CHIC1: variants seen among roughly 807,000 people sequenced by gnomAD.
CHIC1 encodes the protein cysteine-rich hydrophobic domain-containing protein 1.
In CHIC1, 7 loss-of-function variants were observed where a neutral mutation model predicts 18.5. The observed-to-expected ratio is 0.38, with a 90% CI of 0.22 to 0.71. CHIC1 has a LOEUF of 0.71. Ranked by LOEUF, CHIC1 falls within the 30% of genes least tolerant of loss-of-function variation. CHIC1 has a pLI of 0.49. For missense variants in CHIC1, 159 were observed against 176.9 expected (o/e 0.90, Z 0.57); for synonymous variants, 77 against 73.5 (o/e 1.05, Z -0.25).
intron 3 of CHIC1, among the ~76,000 whole-genome samples, chrX:73,597,539 T>TA (rs1306840288): frequency 9.3e-6 from 1 of 107,236 alleles, no homozygotes; most frequent in Non-Finnish European, 1.9e-5. Context: ...CATTATATCT[T>TA]AAAAAAATAT....
At chrX:73,592,660 GT>G (rs376265960) in intron 3 of CHIC1, among the ~76,000 whole-genome samples, 16 of 108,835 alleles carry the variant, frequency 1.5e-4, no homozygotes, top group African/African-American at 5.0e-4. Flanking sequence ...TTGGCCTGAA[GT>G]TTTTTTTTCA....
At chrX:73,655,641 GTGTGTGTGTATA>G (rs1439296546) in intron 3 of CHIC1, among the ~76,000 whole-genome samples, 2 of 9,417 alleles carry the variant, frequency 2.1e-4, no homozygotes, top group Admixed American at 2.0e-3. Flanking sequence ...TAGTGTGTGT[GTGTGTGTGTATA>G]TATATATATA....
At chrX:73,593,636 C>T (rs2057592461) in intron 3 of CHIC1, among the ~76,000 whole-genome samples, 1 of 111,528 alleles carries the variant, frequency 9.0e-6, no homozygotes, top group African/African-American at 3.3e-5. Flanking sequence ...TTATTTTTGC[C>T]TGACTGGCTT....
chrX:73,567,897 C>G (rs1192029847), intron 1 of CHIC1, among the ~76,000 whole-genome samples: 1 of 109,923 alleles, frequency 9.1e-6, no homozygotes, highest in African/African-American at 3.3e-5. Context: ...ATTTCCCTGG[C>G]TCTCTGTATG....
intron 3 of CHIC1, among the ~76,000 whole-genome samples, chrX:73,657,047 A>C (rs1267403295): frequency 1.1e-5 from 1 of 92,891 alleles, no homozygotes; most frequent in Non-Finnish European, 2.1e-5. Context: ...TAGGTATTTT[A>C]TATTCTTTTT....
chrX:73,627,086 G>T (rs141122453), intron 3 of CHIC1, among the ~76,000 whole-genome samples: 68 of 93,764 alleles, frequency 7.3e-4, no homozygotes, highest in African/African-American at 2.7e-3. Context: ...AGATCTGGAA[G>T]AATTATCTGT....
intron 3 of CHIC1, among the ~76,000 whole-genome samples, chrX:73,631,793 C>G (rs779714409): frequency 9.0e-6 from 1 of 110,834 alleles, no homozygotes; most frequent in Non-Finnish European, 1.9e-5. Flanking sequence ...TTTTTTTGAC[C>G]CATTGGTTGT....
intron 3 of CHIC1, among the ~76,000 whole-genome samples, chrX:73,631,425 G>C (rs547247367): frequency 9.1e-6 from 1 of 109,402 alleles, no homozygotes; most frequent in African/African-American, 3.3e-5. Context: ...TTGGGTGTTC[G>C]AGACCAGCCT....
intron 3 of CHIC1, among the ~76,000 whole-genome samples, chrX:73,618,300 A>G (rs2057742579): frequency 9.0e-6 from 1 of 111,698 alleles, no homozygotes; most frequent in Admixed American, 9.5e-5. Context: ...GTAGTAGTAT[A>G]GGGATGATCA....
intron 3 of CHIC1, among the ~76,000 whole-genome samples, chrX:73,660,442 T>C (rs903166646): frequency 3.6e-5 from 4 of 111,605 alleles, no homozygotes; most frequent in Non-Finnish European, 7.5e-5. Flanking sequence ...ATGAGCCCAA[T>C]AGAGTGTAGC....
chrX:73,645,500 C>T (rs1156232315), intron 3 of CHIC1, among the ~76,000 whole-genome samples: 3 of 112,079 alleles, frequency 2.7e-5, no homozygotes, highest in Non-Finnish European at 5.6e-5. Flanking sequence ...TTTTCCATAA[C>T]AGCTGTATTA....
intron 3 of CHIC1, among the ~76,000 whole-genome samples, chrX:73,655,558 G>GTA (rs1341926223): frequency 1.2e-5 from 1 of 82,054 alleles, no homozygotes; most frequent in Non-Finnish European, 2.2e-5. Context: ...ACAATATTGT[G>GTA]TATATATAGT....
At chrX:73,655,390 T>C (rs186452230) in intron 3 of CHIC1, among the ~76,000 whole-genome samples, 2 of 100,033 alleles carry the variant, frequency 2.0e-5, no homozygotes, top group African/African-American at 7.3e-5. Context: ...GGTGTGTATA[T>C]ATATGTACAT....
Position 73,598,547 on chromosome X carries a change from G to C in CHIC1, c.507+13975G>C, listed in dbSNP as rs2057623800. On this transcript the variant is annotated intron_variant, in intron 3 of 5. Transcript: ENST00000373502. ...CTTCCTGTGTCCATGTAATCTCATT[G>C]TTCAGTTCCCACCTATGAGTGAGAA... 3.2e-5 allele frequency among the ~76,000 whole-genome samples: 3 copies of C among 92,387 alleles called. No individual in the cohort carries two copies. In the Admixed American group the frequency reaches 4.2e-4, roughly 13 times the overall value. 80.2% of individuals were successfully genotyped at this position (92,387 alleles called of 115,157 possible). A position where few individuals can be genotyped will look rare whatever the true frequency, so the allele number is the denominator to read the frequency against.
At chrX:73,653,677 TCTAAC>T (rs2057928711) in intron 3 of CHIC1, among the ~76,000 whole-genome samples, 2 of 112,611 alleles carry the variant, frequency 1.8e-5, no homozygotes, top group South Asian at 3.6e-4. Flanking sequence ...TGTTAATTCT[TCTAAC>T]CTATTAGCAT....
intron 3 of CHIC1, among the ~76,000 whole-genome samples, chrX:73,655,490 TTGTG>T (rs1442194326): frequency 1.5e-5 from 1 of 67,004 alleles, no homozygotes; most frequent in Non-Finnish European, 2.9e-5. Context: ...ATACACAATA[TTGTG>T]TATATATATA....
At chrX:73,569,427 TGAA>T (rs1378584105) in intron 1 of CHIC1, among the ~76,000 whole-genome samples, 1 of 111,618 alleles carries the variant, frequency 9.0e-6, no homozygotes, top group Non-Finnish European at 1.9e-5. Context: ...AGACATTTGA[TGAA>T]GAAAATACAA....
intron 3 of CHIC1, among the ~76,000 whole-genome samples, chrX:73,627,021 C>T (rs1254750069): frequency 9.2e-6 from 1 of 109,148 alleles, no homozygotes; most frequent in East Asian, 2.9e-4. Context: ...CCTGAGCCTA[C>T]TAACCCTGTG....
intron 3 of CHIC1, among the ~76,000 whole-genome samples, chrX:73,615,838 C>T (rs866502471): frequency 1.8e-5 from 2 of 110,881 alleles, no homozygotes; most frequent in African/African-American, 6.6e-5. Flanking sequence ...GGTGGGGTTG[C>T]TTTTAGTGTC....
Sources: allele counts gnomAD v4.1 joint callset (sites outside exome capture counted in the v4.1 genomes callset), GRCh38; gene constraint gnomAD v4.1.1; transcripts MANE v1.5; gene names NCBI Gene and HGNC (gene_info 2026-07-23, HGNC 2026-07-21).